IL1RAPL1: variants seen among roughly 807,000 people sequenced by gnomAD.
The protein encoded by IL1RAPL1 is interleukin-1 receptor accessory protein-like 1.
IL1RAPL1 carries 3 observed loss-of-function variants against 48.4 expected under a neutral mutation model. The ratio of observed to expected loss-of-function variants is 0.06; its 90% CI spans 0.03 to 0.16. The LOEUF (loss-of-function observed/expected upper bound fraction) is 0.16. Ranked by LOEUF, IL1RAPL1 falls within the 10% of genes least tolerant of loss-of-function variation. The pLI is 1.00. For synonymous variants in IL1RAPL1, 185 were observed against 187.7 expected (o/e 0.99, Z 0.12); for missense variants, 349 against 530.6 (o/e 0.66, Z 3.36).
intron 2 of IL1RAPL1, among the ~76,000 whole-genome samples, chrX:29,196,903 G>A (rs1414104040): frequency 9.1e-6 from 1 of 109,875 alleles, no homozygotes; most frequent in Non-Finnish European, 1.9e-5. Flanking sequence ...CAATAATATT[G>A]CATCCTGCCT....
intron 2 of IL1RAPL1, among the ~76,000 whole-genome samples, chrX:28,885,340 G>A (rs1165707393): frequency 5.4e-5 from 6 of 110,806 alleles, no homozygotes; most frequent in East Asian, 2.8e-4. Context: ...AAGGACTTTC[G>A]CAGTGTTTTT....
At chrX:29,808,096 A>C (rs1379330454) in intron 6 of IL1RAPL1, among the ~76,000 whole-genome samples, 3 of 112,028 alleles carry the variant, frequency 2.7e-5, no homozygotes, top group Non-Finnish European at 5.6e-5. Flanking sequence ...TGTAATCTTG[A>C]TCTAACAACT....
At chrX:28,970,163 G>A (rs1346958138) in intron 2 of IL1RAPL1, among the ~76,000 whole-genome samples, 1 of 111,670 alleles carries the variant, frequency 9.0e-6, no homozygotes, top group Non-Finnish European at 1.9e-5. Context: ...ATCACACCCA[G>A]CTAATTTTTT....
chrX:29,840,060 G>T (rs1297502928), intron 6 of IL1RAPL1, among the ~76,000 whole-genome samples: 2 of 110,402 alleles, frequency 1.8e-5, no homozygotes, highest in Non-Finnish European at 3.8e-5. Context: ...ATGTTGCACT[G>T]GGGGGTCGCA....
chrX:29,701,289 A>G (rs1446636905), intron 6 of IL1RAPL1, among the ~76,000 whole-genome samples: 1 of 111,991 alleles, frequency 8.9e-6, no homozygotes, highest in Non-Finnish European at 1.9e-5. Context: ...ATCCATCTTG[A>G]AAATGTTGGT....
chrX:29,057,432 T>G (rs1219840462), intron 2 of IL1RAPL1, among the ~76,000 whole-genome samples: 2 of 109,333 alleles, frequency 1.8e-5, no homozygotes, highest in Non-Finnish European at 3.8e-5. Context: ...TTTTTTCTTT[T>G]TTTTTCTTTT....
chrX:29,421,193 A>C (rs1273139627), intron 5 of IL1RAPL1, among the ~76,000 whole-genome samples: 1 of 112,034 alleles, frequency 8.9e-6, no homozygotes, highest in Non-Finnish European at 1.9e-5. Context: ...ACCAGGAAAG[A>C]TTAGGTTCCT....
At chrX:28,854,780 T>C (rs1464890149) in intron 2 of IL1RAPL1, among the ~76,000 whole-genome samples, 3 of 110,931 alleles carry the variant, frequency 2.7e-5, no homozygotes, top group African/African-American at 9.9e-5. Context: ...AAATCAAAGA[T>C]AGAGTTGTGC....
intron 6 of IL1RAPL1, among the ~76,000 whole-genome samples, chrX:29,827,866 C>T (rs190160215): frequency 2.7e-5 from 3 of 112,009 alleles, no homozygotes; most frequent in East Asian, 2.8e-4. Context: ...TTACATAAGA[C>T]GCGGATATAT....
At chrX:29,379,679 G>T (rs1933669422) in intron 3 of IL1RAPL1, among the ~76,000 whole-genome samples, 1 of 111,653 alleles carries the variant, frequency 9.0e-6, no homozygotes, top group Non-Finnish European at 1.9e-5. Context: ...TAACGTTCAG[G>T]TACCTTATAC....
chrX:28,971,869 C>T (rs776409347), intron 2 of IL1RAPL1, among the ~76,000 whole-genome samples: 114 of 82,750 alleles, frequency 1.4e-3, no homozygotes, highest in Non-Finnish European at 3.6e-4. Flanking sequence ...ACAAATAACT[C>T]TGAAAATTGT....
intron 3 of IL1RAPL1, among the ~76,000 whole-genome samples, chrX:29,334,275 G>A (rs1314517564): frequency 1.4e-5 from 1 of 70,794 alleles, no homozygotes; most frequent in African/African-American, 6.1e-5. Flanking sequence ...AGGGGAGGCC[G>A]GGCAGAGGCG....
At chrX:29,553,117 C>A (rs184682805) in intron 5 of IL1RAPL1, among the ~76,000 whole-genome samples, 3 of 111,566 alleles carry the variant, frequency 2.7e-5, no homozygotes, top group Non-Finnish European at 5.6e-5. Flanking sequence ...TTCTGATGCT[C>A]GCTTTGTCTT....
chrX:29,426,357 T>C (rs907458584), intron 5 of IL1RAPL1, among the ~76,000 whole-genome samples: 2 of 111,756 alleles, frequency 1.8e-5, no homozygotes, highest in Non-Finnish European at 3.8e-5. Context: ...GTAGAAGATA[T>C]GGTTTCTATT....
chrX:28,735,759 T>TA (rs1316990568), intron 1 of IL1RAPL1, among the ~76,000 whole-genome samples: 1 of 110,939 alleles, frequency 9.0e-6, no homozygotes, highest in Non-Finnish European at 1.9e-5. Flanking sequence ...AGCAGGGCAA[T>TA]ACCCTGTCTC....
chrX:29,028,243 C>T (rs1306636298), intron 2 of IL1RAPL1, among the ~76,000 whole-genome samples: 7 of 108,552 alleles, frequency 6.4e-5, no homozygotes, highest in African/African-American at 2.4e-4. Flanking sequence ...TCCCCTCCTC[C>T]TGCCAGCCCT....
chrX:28,791,214 C>G (rs112924438), intron 2 of IL1RAPL1, among the ~76,000 whole-genome samples: 1,899 of 110,450 alleles, frequency 0.017, 47 homozygotes, highest in African/African-American at 0.059. Context: ...TATATAACCT[C>G]TAATTTGGGG....
At chrX:29,192,884 A>G (rs1930378009) in intron 2 of IL1RAPL1, among the ~76,000 whole-genome samples, 1 of 111,478 alleles carries the variant, frequency 9.0e-6, no homozygotes, top group South Asian at 3.7e-4. Flanking sequence ...GTATGTTAGT[A>G]CTAACCATTA....
intron 5 of IL1RAPL1, among the ~76,000 whole-genome samples, chrX:29,455,113 T>TGCAG (rs763985500): frequency 2.9e-4 from 32 of 111,552 alleles, no homozygotes; most frequent in Non-Finnish European, 5.3e-4. Flanking sequence ...AGCTAATGCA[T>TGCAG]GCAGGGCTTA....
Sources: gnomAD v4.1 joint callset for allele counts (sites outside exome capture counted in the v4.1 genomes callset) on GRCh38, gnomAD v4.1.1 for gene constraint, MANE v1.5 for transcripts, NCBI Gene and HGNC (gene_info 2026-07-23, HGNC 2026-07-21) for gene names.